RALYL: variants seen among roughly 807,000 people sequenced by gnomAD.
The protein encoded by RALYL is RALY RNA binding protein like, also known as RNA-binding Raly-like protein.
Under a neutral mutation model 35.1 loss-of-function variants are expected in RALYL, and 29 were observed. The observed-to-expected ratio is 0.83, with a 90% CI of 0.61 to 1.13. The LOEUF (loss-of-function observed/expected upper bound fraction) is 1.13, where lower values mean the gene tolerates loss of function less well. Ranked by LOEUF, RALYL falls within the 50% of genes most tolerant of loss-of-function variation. RALYL has a pLI of 0.00. For missense variants in RALYL, 359 were observed against 360.4 expected (o/e 1.00, Z 0.03); for synonymous variants, 120 against 127.6 (o/e 0.94, Z 0.40).
chr8:84,427,532 A>G (rs2046627599), intron 1 of RALYL, among the ~76,000 whole-genome samples: 1 of 152,306 alleles, frequency 6.6e-6, no homozygotes, highest in Admixed American at 6.5e-5. Context: ...TATCAAACAT[A>G]TGTATGCATT....
intron 1 of RALYL, among the ~76,000 whole-genome samples, chr8:84,379,210 A>G (rs1233586355): frequency 6.6e-6 from 1 of 151,968 alleles, no homozygotes; most frequent in African/African-American, 2.4e-5. Context: ...CATTGGGAAG[A>G]TACAATTTTA....
At chr8:84,663,730 T>C (rs1395870678) in intron 2 of RALYL, among the ~76,000 whole-genome samples, 2 of 152,172 alleles carry the variant, frequency 1.3e-5, no homozygotes, top group African/African-American at 4.8e-5. Context: ...CTTTGTCTGA[T>C]GGGTAGATTG....
intron 2 of RALYL, among the ~76,000 whole-genome samples, chr8:84,722,928 C>A (rs1205025948): frequency 6.6e-6 from 1 of 151,462 alleles, no homozygotes; most frequent in African/African-American, 2.4e-5. Flanking sequence ...ACTTTTTGAG[C>A]AGGTGTCAAG....
intron 1 of RALYL, among the ~76,000 whole-genome samples, chr8:84,224,155 T>G (rs1268646575): frequency 6.6e-6 from 1 of 152,170 alleles, no homozygotes; most frequent in African/African-American, 2.4e-5. Flanking sequence ...TATGGCTCAC[T>G]TTTTGGGGCA....
At chr8:84,551,736 A>G (rs991613491) in intron 2 of RALYL, among the ~76,000 whole-genome samples, 3 of 152,286 alleles carry the variant, frequency 2.0e-5, no homozygotes, top group South Asian at 2.1e-4. Context: ...GCAGAGAGCC[A>G]CGTATAATTT....
chr8:84,486,342 C>T (rs1027526107), intron 1 of RALYL, among the ~76,000 whole-genome samples: 1 of 150,096 alleles, frequency 6.7e-6, no homozygotes, highest in Admixed American at 6.6e-5. Context: ...TACTTAAAAG[C>T]TTAATATTTT....
chr8:84,829,667 A>G (rs1830463574), intron 4 of RALYL, among the ~76,000 whole-genome samples: 1 of 152,116 alleles, frequency 6.6e-6, no homozygotes, highest in African/African-American at 2.4e-5. Context: ...AAGCACAAAG[A>G]CTTTTAAAAG....
At chr8:84,259,924 A>G (rs574967431) in intron 1 of RALYL, among the ~76,000 whole-genome samples, 1 of 152,230 alleles carries the variant, frequency 6.6e-6, no homozygotes, top group South Asian at 2.1e-4. Flanking sequence ...CAATTTGCTC[A>G]TCTGATTTAG....
chr8:84,734,724 G>GA (rs1303482516), intron 2 of RALYL, among the ~76,000 whole-genome samples: 8 of 151,554 alleles, frequency 5.3e-5, no homozygotes, highest in African/African-American at 9.7e-5. Flanking sequence ...TATGAAATAG[G>GA]AAAAAAAATC....
In RALYL at chr8:84,907,310, TCACACACAC is replaced by T. The variant is rs199606295; in HGVS notation, c.859-13583_859-13575del. On this transcript the variant is annotated intron_variant, in intron 8 of 8. Coordinates refer to ENST00000521268, the MANE Select transcript of RALYL (RefSeq NM_173848.7). The stretch of plus-strand genomic sequence containing the variant: ...AAATCTGAGAAAATAAGATATAGCG[TCACACACAC>T]ACACACACACACACACACACACACA... 0.012 allele frequency among the ~76,000 whole-genome samples: 1,754 copies of T among 148,130 alleles called. 54 individuals are homozygous for T. In the East Asian group the frequency reaches 0.13, roughly 11 times the overall value.
intron 2 of RALYL, among the ~76,000 whole-genome samples, chr8:84,769,587 C>G (rs1266479216): frequency 6.6e-6 from 1 of 151,982 alleles, no homozygotes; most frequent in Non-Finnish European, 1.5e-5. Context: ...ATGGTGAAAC[C>G]CTGTCTCTGC....
intron 1 of RALYL, among the ~76,000 whole-genome samples, chr8:84,512,181 T>C (rs187075128): frequency 6.6e-6 from 1 of 152,262 alleles, no homozygotes; most frequent in African/African-American, 2.4e-5. Context: ...AGTTCCCTTT[T>C]CTACACATCT....
chr8:84,915,468 G>T (rs750986385), intron 8 of RALYL, among the ~76,000 whole-genome samples: 1 of 151,886 alleles, frequency 6.6e-6, no homozygotes, highest in Non-Finnish European at 1.5e-5. Context: ...TAGATTTTTG[G>T]CTTAATATTA....
intron 1 of RALYL, among the ~76,000 whole-genome samples, chr8:84,389,780 C>T (rs1264874245): frequency 1.3e-5 from 2 of 149,676 alleles, no homozygotes; most frequent in South Asian, 2.1e-4. Context: ...ACAATCATGT[C>T]GTCTGCAAAC....
At chr8:84,692,310 A>G (rs1838228097) in intron 2 of RALYL, among the ~76,000 whole-genome samples, 1 of 152,002 alleles carries the variant, frequency 6.6e-6, no homozygotes, top group Admixed American at 6.6e-5. Context: ...AACAATATGG[A>G]CTGCTCAGTT....
chr8:84,268,713 T>C (rs1833768720), intron 1 of RALYL, among the ~76,000 whole-genome samples: 1 of 152,192 alleles, frequency 6.6e-6, no homozygotes, highest in Admixed American at 6.5e-5. Flanking sequence ...GATTGTTTTA[T>C]CTAGTCCATT....
chr8:84,783,674 C>T (rs1216242253), intron 3 of RALYL, among the ~76,000 whole-genome samples: 3 of 152,108 alleles, frequency 2.0e-5, no homozygotes, highest in Non-Finnish European at 4.4e-5. Flanking sequence ...GAAAGACATT[C>T]CCAGGTCACA....
chr8:84,184,839 G>C, intron 1 of RALYL: 1 of 802,982 alleles, frequency 1.2e-6, no homozygotes, highest in South Asian at 1.5e-5. Flanking sequence ...GGGCTAGAGG[G>C]GACCCTCAGA....
chr8:84,563,922 A>G (rs975341111), intron 2 of RALYL, among the ~76,000 whole-genome samples: 6 of 151,822 alleles, frequency 4.0e-5, no homozygotes, highest in Non-Finnish European at 8.8e-5. Flanking sequence ...AGTTTCTAGA[A>G]TGTTGCATTT....
Sources: gnomAD v4.1 joint callset for allele counts (sites outside exome capture counted in the v4.1 genomes callset) on GRCh38, gnomAD v4.1.1 for gene constraint, MANE v1.5 for transcripts, NCBI Gene and HGNC (gene_info 2026-07-23, HGNC 2026-07-21) for gene names.